The following CDH23 variants were observed in gnomAD, a reference collection of about 807,000 sequenced individuals.
CDH23 encodes cadherin related 23, also known as cadherin-23.
Under a neutral mutation model 317.1 loss-of-function variants are expected in CDH23, and 189 were observed. That is an observed-to-expected ratio of 0.60 (90% CI 0.53 to 0.67). The LOEUF is 0.67. Among genes scored for constraint, CDH23 ranks in the 30% least tolerant of loss-of-function variants. The pLI is 0.00. For synonymous variants in CDH23, 1,839 were observed against 1,876.8 expected (o/e 0.98, Z 0.52); for missense variants, 4,401 against 4,592.4 (o/e 0.96, Z 1.20).
chr10:71,530,495 C>T (rs575784754), intron 6 of CDH23, among the ~76,000 whole-genome samples: 4 of 152,318 alleles, frequency 2.6e-5, no homozygotes, highest in South Asian at 4.1e-4. Context: ...TGCCAAGGAC[C>T]GTGGGGATTG....
At chr10:71,503,533 T>G (rs1367899166) in intron 3 of CDH23, among the ~76,000 whole-genome samples, 1 of 152,142 alleles carries the variant, frequency 6.6e-6, no homozygotes, top group Non-Finnish European at 1.5e-5. Flanking sequence ...ATTTATTGAG[T>G]GCCTCCAGGA....
At chr10:71,684,362 C>G (rs1162881117) in intron 18 of CDH23, among the ~76,000 whole-genome samples, 1 of 152,212 alleles carries the variant, frequency 6.6e-6, no homozygotes, top group Non-Finnish European at 1.5e-5. Context: ...GGATGCTGCT[C>G]TGCACAAGGA....
intron 14 of CDH23, among the ~76,000 whole-genome samples, chr10:71,659,315 CAG>C (rs1397752760): frequency 6.6e-6 from 1 of 152,140 alleles, no homozygotes; most frequent in Non-Finnish European, 1.5e-5. Context: ...ACTCAGGTGA[CAG>C]GGGAGAGAGG....
At chr10:71,738,707 A>C (rs2132842014) in intron 35 of CDH23, 60 bp downstream of exon 35, 7 of 1,576,262 alleles carry the variant, frequency 4.4e-6, no homozygotes, top group Admixed American at 1.7e-5. Flanking sequence ...CACAGCTCTC[A>C]CAGCTGGAGG....
intron 1 of CDH23, among the ~76,000 whole-genome samples, chr10:71,416,429 A>G (rs1466586597): frequency 6.6e-6 from 1 of 152,170 alleles, no homozygotes; most frequent in African/African-American, 2.4e-5. Context: ...TTCTACCTTT[A>G]GTGTTAGTGG....
At position 71,546,529 on chromosome 10, in the gene CDH23, A is replaced by AG. The variant is rs1856292292; in HGVS notation, c.430-20210dup. ...CCAACCCAGGTTCAGGGAATTAGGG[A>AG]GGGCTTTCCAGAGGAGGTGATAAAC... On this transcript the variant is annotated intron_variant, in intron 6 of 69. Transcript: ENST00000224721. 2.6e-5 allele frequency among the ~76,000 whole-genome samples: 4 copies of AG among 152,318 alleles called. No individual in the cohort carries two copies. In the South Asian group the frequency reaches 8.3e-4, roughly 32 times the overall value.
rs1215343023 is a variant in CDH23 at position 71,793,566 on chromosome 10, G to A, written c.6638G>A (p.Gly2213Asp). 1 of 1,612,808 alleles carries A rather than the reference G, an allele frequency of 6.2e-7. No homozygotes were observed. ...LNPKLEYHIV[G>D]IVAKDDTDRL... ...CCAAAGCTAGAGTACCACATTGTCGGCATTGTGGCCAAGGACGACACTGAT... is the reference window on the plus strand; with the variant it reads ...CCAAAGCTAGAGTACCACATTGTCGACATTGTGGCCAAGGACGACACTGAT... The change falls in exon 48 of 70, where the codon GGC (glycine) becomes GAC (aspartate). Residue 2213 changes from glycine to aspartate, a missense_variant. This residue lies in a region of CDH23 where 3,068 missense variants were observed against 3,203.3 expected (regional missense o/e 0.96). Coordinates refer to ENST00000224721, the MANE Select transcript of CDH23 (RefSeq NM_022124.6).
intron 32 of CDH23, chr10:71,732,644 CA>C: frequency 4.0e-5 from 56 of 1,388,792 alleles, no homozygotes; most frequent in South Asian, 1.4e-4. Flanking sequence ...TACAAAGAAA[CA>C]AAAAAAAGTC....
chr10:71,528,974 C>T (rs576222501), intron 6 of CDH23, among the ~76,000 whole-genome samples: 92 of 152,292 alleles, frequency 6.0e-4, no homozygotes, highest in Non-Finnish European at 9.3e-4. Context: ...GGTTAGCACA[C>T]GTCTGTTTCC....
intron 9 of CDH23, among the ~76,000 whole-genome samples, chr10:71,596,380 C>T (rs1288420842): frequency 2.0e-5 from 3 of 152,134 alleles, no homozygotes; most frequent in Non-Finnish European, 4.4e-5. Flanking sequence ...GATTCGAACC[C>T]AGGTCTGCAT....
At chr10:71,796,146 G>C in intron 48 of CDH23, 1 of 960,480 alleles carries the variant, frequency 1.0e-6, no homozygotes, top group Non-Finnish European at 1.2e-6. Context: ...TCTGCCAAGG[G>C]GGAAGGGAAT....
At chr10:71,790,013 G>T (rs113841468) in intron 45 of CDH23, among the ~76,000 whole-genome samples, 1 of 152,222 alleles carries the variant, frequency 6.6e-6, no homozygotes, top group Non-Finnish European at 1.5e-5. Context: ...AGCCTCAAAG[G>T]CTGCTGGGAA....
chr10:71,532,592 G>A (rs571548019), intron 6 of CDH23, among the ~76,000 whole-genome samples: 29 of 152,278 alleles, frequency 1.9e-4, no homozygotes, highest in African/African-American at 6.7e-4. Flanking sequence ...CTCCCTCTGG[G>A]GCTGGATGGA....
intron 9 of CDH23, among the ~76,000 whole-genome samples, chr10:71,605,444 T>C (rs1860476299): frequency 6.6e-6 from 1 of 152,192 alleles, no homozygotes; most frequent in African/African-American, 2.4e-5. Flanking sequence ...CCAGGGGTGC[T>C]GCTGAACAAC....
In CDH23 at chr10:71,810,460, C is replaced by T. The variant is rs111583276; in HGVS notation, c.8980-12C>T. ...GTGGTGGCCACACCCTACAATACCC[C>T]TTCTCATCTAGTTCCATGTGGACAA... is the stretch of plus-strand genomic sequence containing the variant. On this transcript the variant is annotated splice_polypyrimidine_tract_variant and intron_variant, in intron 61 of 69. Coordinates refer to ENST00000224721, the MANE Select transcript of CDH23 (RefSeq NM_022124.6). 2,659 of 1,613,518 alleles carry T rather than the reference C, an allele frequency of 1.6e-3. 4 individuals are homozygous for T. Among genetic ancestry groups the T allele is most frequent in the South Asian group, 2.9e-3 (266 of 91,062 alleles).
intron 9 of CDH23, among the ~76,000 whole-genome samples, chr10:71,602,274 A>T (rs1246254248): frequency 6.6e-6 from 1 of 152,092 alleles, no homozygotes; most frequent in Non-Finnish European, 1.5e-5. Context: ...TTCATGGAGG[A>T]AAGATGGCAG....
chr10:71,781,848 A>G (rs531584777), intron 41 of CDH23, among the ~76,000 whole-genome samples: 7 of 152,200 alleles, frequency 4.6e-5, no homozygotes, highest in African/African-American at 1.7e-4. Flanking sequence ...GAAATGATCA[A>G]TGAAGGCCCA....
chr10:71,465,706 C>T (rs1490624574), intron 3 of CDH23, among the ~76,000 whole-genome samples: 2 of 152,182 alleles, frequency 1.3e-5, no homozygotes, highest in East Asian at 3.8e-4. Context: ...TTCTTTGCTT[C>T]CCTGGGAAAA....
At chr10:71,733,775 C>A (rs886643589) in intron 32 of CDH23, among the ~76,000 whole-genome samples, 1 of 152,202 alleles carries the variant, frequency 6.6e-6, no homozygotes, top group African/African-American at 2.4e-5. Context: ...TTCGTCTTTG[C>A]TTTAGTGTAT....
Sources: gnomAD v4.1 joint callset for allele counts (sites outside exome capture counted in the v4.1 genomes callset) on GRCh38, gnomAD v4.1.1 for gene constraint, gnomAD v4.1.1 regional missense constraint, MANE v1.5 for transcripts, NCBI Gene and HGNC (gene_info 2026-07-23, HGNC 2026-07-21) for gene names.